The following LTBP2 variants were observed in gnomAD, a reference collection of about 807,000 sequenced individuals.
The protein encoded by LTBP2 is latent transforming growth factor beta binding protein 2, also known as latent-transforming growth factor beta-binding protein 2.
In LTBP2, 103 loss-of-function variants were observed where a neutral mutation model predicts 210.6. The observed-to-expected ratio is 0.49, with a 90% CI of 0.42 to 0.58. The LOEUF (loss-of-function observed/expected upper bound fraction) is 0.58. Ranked by LOEUF, LTBP2 falls within the 20% of genes least tolerant of loss-of-function variation. The pLI, the probability that LTBP2 is intolerant of heterozygous loss-of-function variation, is 0.00. For synonymous variants in LTBP2, 1,007 were observed against 1,015.0 expected, an observed-to-expected ratio of 0.99 and a Z score of 0.15; for missense variants, 2,313 against 2,494.5, an observed-to-expected ratio of 0.93 and a Z score of 1.55.
chr14:74,528,162 C>T (rs767611251), intron 12 of LTBP2, among the ~76,000 whole-genome samples: 19 of 152,212 alleles, frequency 1.2e-4, no homozygotes, highest in Non-Finnish European at 1.8e-4. Context: ...CAGCAAGCAC[C>T]GGCCCCAGAA....
chr14:74,574,829 C>T (rs1210108655), intron 3 of LTBP2, among the ~76,000 whole-genome samples: 3 of 152,118 alleles, frequency 2.0e-5, no homozygotes, highest in Non-Finnish European at 4.4e-5. Context: ...TCTTCTTGGG[C>T]CAGATGTCCG....
chr14:74,531,919 C>A (rs1238934199), intron 10 of LTBP2, among the ~76,000 whole-genome samples: 1 of 152,204 alleles, frequency 6.6e-6, no homozygotes, highest in African/African-American at 2.4e-5. Flanking sequence ...AATGCTAATG[C>A]CCACTATGTG....
chr14:74,604,078 CCA>C (rs1192650207), intron 1 of LTBP2, among the ~76,000 whole-genome samples: 1 of 149,834 alleles, frequency 6.7e-6, no homozygotes, highest in Non-Finnish European at 1.5e-5. Context: ...CTTGCCAATT[CCA>C]CACAGCAGGT....
intron 25 of LTBP2, 120 bp from the exon 26 acceptor site, chr14:74,507,430 C>A (rs924391959): frequency 7.3e-7 from 1 of 1,370,612 alleles, no homozygotes; most frequent in Non-Finnish European, 1.0e-6. Context: ...CTGTGCTCAT[C>A]CCAACCCCAG....
chr14:74,558,050 G>A lies in LTBP2; in HGVS notation c.831-2357C>T, dbSNP rs116580736. On this transcript the variant is annotated intron_variant, in intron 3 of 35. Transcript: ENST00000261978. ...CTCCCCAAATCTCCACCCCAGTTCT[G>A]TTAGCCCTTGGTGACCAGGCCATGA... Among the ~76,000 whole-genome samples the A allele has an allele frequency of 6.3e-3, 957 of 152,298 alleles. 13 individuals are homozygous for A. Among genetic ancestry groups the A allele is most frequent in the African/African-American group, 0.022 (895 of 41,552 alleles).
intron 8 of LTBP2, among the ~76,000 whole-genome samples, chr14:74,538,676 T>A (rs2087453348): frequency 6.6e-6 from 1 of 152,236 alleles, no homozygotes; most frequent in South Asian, 2.1e-4. Flanking sequence ...TGTGACAGCC[T>A]GACATAGGGA....
At chr14:74,548,243 C>A (rs2087603156) in intron 8 of LTBP2, among the ~76,000 whole-genome samples, 1 of 151,110 alleles carries the variant, frequency 6.6e-6, no homozygotes, top group Admixed American at 6.6e-5. Flanking sequence ...AATGGAAGGG[C>A]AGGTTTTTCT....
rs1395273670 is a variant in LTBP2 at position 74,603,684 on chromosome 14, C to T, written c.516G>A (p.Gln172=). Reference sequence around the variant, plus strand: ...TTGCTGTTGTCCATCCTGGGCAGCACTGTCCCCCGCAGACGTTCCTCCTGT... The same window carrying T: ...TTGCTGTTGTCCATCCTGGGCAGCATTGTCCCCCGCAGACGTTCCTCCTGT... ...RLTGRNVCGG[Q]CCPGWTTANS... Residue 172 remains glutamine, a synonymous_variant, in exon 2 of 36, where the codon CAG becomes CAA. Transcript: ENST00000261978. 1 of 1,614,196 alleles carries T rather than the reference C, an allele frequency of 6.2e-7. No individual in the cohort carries two copies. Among genetic ancestry groups the T allele is most frequent in the Non-Finnish European group, 8.5e-7 (1 of 1,180,040 alleles).
At chr14:74,512,719 TC>T (rs911555804) in intron 18 of LTBP2, among the ~76,000 whole-genome samples, 1 of 151,988 alleles carries the variant, frequency 6.6e-6, no homozygotes, top group African/African-American at 2.4e-5. Context: ...GCAAGGAGAG[TC>T]CCACAACTCC....
intron 1 of LTBP2, among the ~76,000 whole-genome samples, chr14:74,608,342 AAAT>A (rs1566659026): frequency 6.6e-6 from 1 of 152,244 alleles, no homozygotes; most frequent in Non-Finnish European, 1.5e-5. Flanking sequence ...AGTTAAAGAA[AAAT>A]AATAACAGAA....
intron 8 of LTBP2, among the ~76,000 whole-genome samples, chr14:74,539,229 G>A (rs1325163739): frequency 1.3e-5 from 2 of 152,196 alleles, no homozygotes; most frequent in African/African-American, 4.8e-5. Flanking sequence ...CTCAGTGAGG[G>A]GTAAGTAACT....
intron 2 of LTBP2, among the ~76,000 whole-genome samples, chr14:74,587,894 G>A (rs980454284): frequency 2.0e-5 from 3 of 152,266 alleles, no homozygotes; most frequent in East Asian, 3.9e-4. Context: ...GTCCATAGAC[G>A]AGCGCTGAAG....
chr14:74,506,604 T>A, intron 27 of LTBP2, 94 bp downstream of exon 27: 1 of 1,579,692 alleles, frequency 6.3e-7, no homozygotes, highest in Non-Finnish European at 8.6e-7. Context: ...TGGGGACCCG[T>A]GATGGAGCCA....
chr14:74,502,950 G>C lies in LTBP2; in HGVS notation c.4889-16C>G. 1.9e-6 allele frequency: 3 copies of C among 1,609,572 alleles called. No individual in the cohort carries two copies. The highest frequency in any genetic ancestry group is 2.5e-6 in the Non-Finnish European group (3 of 1,179,884). On this transcript the variant is annotated splice_polypyrimidine_tract_variant and intron_variant, in intron 33 of 35. Transcript: ENST00000261978. ...GCATAGACCTCTGTCAGGGAGGAGG[G>C]AGAGAAGGAGCTGGGTTCTAGCTCC...
At position 74,509,287 on chromosome 14, in the gene LTBP2, C is replaced by T. The variant is rs1211195117; in HGVS notation, c.3354G>A (p.Lys1118=). The T allele has an allele frequency of 1.9e-6, 3 of 1,613,582 alleles. No individual in the cohort carries two copies. Among genetic ancestry groups the T allele is most frequent in the Admixed American group, 3.3e-5 (2 of 60,006 alleles). The change falls in exon 22 of 36, where the codon AAG becomes AAA. Residue 1118 remains lysine (K), a synonymous_variant. Transcript: ENST00000261978. ...CTNTAGSFSC[K]DCDGGYRPSP... Reference sequence around the variant, plus strand: ...TGGGCCGGTAGCCCCCATCGCAGTCCTTGCAGGAGAAGGAGCCAGCCGTGT... The same window carrying T: ...TGGGCCGGTAGCCCCCATCGCAGTCTTTGCAGGAGAAGGAGCCAGCCGTGT...
At chr14:74,590,433 A>G (rs887944148) in intron 2 of LTBP2, among the ~76,000 whole-genome samples, 1 of 152,140 alleles carries the variant, frequency 6.6e-6, no homozygotes, top group South Asian at 2.1e-4. Flanking sequence ...GGTGAACCCC[A>G]TCTCTACTAA....
intron 8 of LTBP2, among the ~76,000 whole-genome samples, chr14:74,541,893 T>C (rs114978025): frequency 2.8e-3 from 423 of 152,040 alleles, no homozygotes; most frequent in African/African-American, 9.8e-3. Context: ...GAACTCATCC[T>C]ACCCCTTGTG....
At chr14:74,512,361 G>A (rs1377776499) in intron 18 of LTBP2, among the ~76,000 whole-genome samples, 4 of 152,226 alleles carry the variant, frequency 2.6e-5, no homozygotes, top group African/African-American at 4.8e-5. Flanking sequence ...TCTAGAGGAA[G>A]TCCACCAGCT....
At chr14:74,577,629 C>T (rs1463816245) in intron 3 of LTBP2, among the ~76,000 whole-genome samples, 1 of 151,908 alleles carries the variant, frequency 6.6e-6, no homozygotes, top group Non-Finnish European at 1.5e-5. Context: ...CCATCTCAGC[C>T]TCCCAAGTAG....
Sources: allele counts gnomAD v4.1 joint callset (sites outside exome capture counted in the v4.1 genomes callset), GRCh38; gene constraint gnomAD v4.1.1; transcripts MANE v1.5; gene names NCBI Gene and HGNC (gene_info 2026-07-23, HGNC 2026-07-21).